Variants in ANKRD28 observed in about 807,000 individuals in gnomAD.
ANKRD28 encodes ankyrin repeat domain 28, also known as serine/threonine-protein phosphatase 6 regulatory ankyrin repeat subunit A.
A neutral mutation model predicts 126.5 loss-of-function variants in ANKRD28; 44 were observed. That is an observed-to-expected ratio of 0.35 (90% confidence interval 0.27 to 0.45). The LOEUF is 0.45. ANKRD28 is among the 20% of genes least tolerant of loss of function. The pLI is 1.00. For missense variants in ANKRD28, 1,110 were observed against 1,316.6 expected (o/e 0.84, Z 2.43); for synonymous variants, 442 against 468.5 (o/e 0.94, Z 0.73).
At chr3:15,722,345 C>T (rs1025504286) in intron 7 of ANKRD28, among the ~76,000 whole-genome samples, 1 of 152,184 alleles carries the variant, frequency 6.6e-6, no homozygotes, top group Non-Finnish European at 1.5e-5. Flanking sequence ...TTCATTCATA[C>T]TGTCACACAC....
chr3:15,727,564 C>CAAAAAAA (rs59584114), intron 6 of ANKRD28, among the ~76,000 whole-genome samples: 40 of 65,930 alleles, frequency 6.1e-4, no homozygotes, highest in East Asian at 1.6e-3. Flanking sequence ...GAAACTCTGT[C>CAAAAAAA]AAAAAAAAAA....
At chr3:15,784,469 AT>A (rs1481072391) in intron 2 of ANKRD28, among the ~76,000 whole-genome samples, 2 of 151,840 alleles carry the variant, frequency 1.3e-5, no homozygotes, top group African/African-American at 2.4e-5. Flanking sequence ...CATTAGATTA[AT>A]ATGCATATTG....
rs900038852 is a variant in ANKRD28, at chr3:15,814,035, A to G, written c.28-18729T>C. 5.9e-5 allele frequency among the ~76,000 whole-genome samples: 9 copies of G among 152,228 alleles called. No individual in the cohort carries two copies. The highest frequency in any genetic ancestry group is 2.2e-4 in the African/African-American group (9 of 41,456). On this transcript the variant is annotated intron_variant, in intron 1 of 27. Coordinates refer to the ANKRD28 transcript ENST00000399451. This position sits in a 1 kb window ranked among gnomAD's most constrained non-coding sequence, Gnocchi z 4.7. The stretch of plus-strand genomic sequence containing the variant: ...CCACTGAAAATTTACTTGAATTATA[A>G]AACGGCTATACTAAGTCTTCCACTA...
At chr3:15,707,329 A>G (rs1202268698) in intron 14 of ANKRD28, among the ~76,000 whole-genome samples, 4 of 152,218 alleles carry the variant, frequency 2.6e-5, no homozygotes, top group Admixed American at 2.6e-4. Flanking sequence ...TATACTTATG[A>G]AACAGTTTAT....
Position 15,853,914 on chromosome 3 carries a change from T to G in ANKRD28, c.27+5463A>C, listed in dbSNP as rs530790256. On this transcript the variant is annotated intron_variant, in intron 1 of 27. Coordinates refer to the ANKRD28 transcript ENST00000399451. The surrounding 1 kb of genome is among the most constrained non-coding windows in gnomAD (Gnocchi z 4.2). ...GTCATTAATATAGCTATGAGAAATA[T>G]TTTAAGATATACTCACTCTCATTCA... Among the ~76,000 whole-genome samples, 1 of 152,322 alleles carries G rather than the reference T, an allele frequency of 6.6e-6. No homozygotes were observed. Among genetic ancestry groups the G allele is most frequent in the East Asian group, 1.9e-4 (1 of 5,178 alleles).
At chr3:15,684,064 G>A (rs1202568663) in intron 21 of ANKRD28, 1 of 152,158 alleles carries the variant, frequency 6.6e-6, no homozygotes, top group Non-Finnish European at 1.5e-5. Flanking sequence ...AAGCTACACT[G>A]AAATTGAAAA....
At position 15,770,419 on chromosome 3, in the gene ANKRD28, T is replaced by C. The variant is rs917870761; in HGVS notation, c.202-4107A>G. 2.3e-4 allele frequency among the ~76,000 whole-genome samples: 34 copies of C among 150,564 alleles called. 5 individuals carry two copies. Among genetic ancestry groups the C allele is most frequent in the Admixed American group, 1.0e-3 (15 of 15,060 alleles). Reference sequence around the variant, plus strand: ...TATTGAATACATATATATACATATATATATATATATTAGATAGCATTACTG... The same window carrying C: ...TATTGAATACATATATATACATATACATATATATATTAGATAGCATTACTG... On this transcript the variant is annotated intron_variant, in intron 2 of 27. Transcript: ENST00000683139.
intron 6 of ANKRD28, among the ~76,000 whole-genome samples, chr3:15,730,268 T>A (rs924556567): frequency 2.0e-5 from 3 of 152,094 alleles, no homozygotes; most frequent in African/African-American, 7.2e-5. Context: ...ACAGGAAAGA[T>A]GAATGTGTAA....
chr3:15,698,090 T>C (rs964468362), intron 14 of ANKRD28, among the ~76,000 whole-genome samples: 5 of 152,096 alleles, frequency 3.3e-5, no homozygotes, highest in Non-Finnish European at 7.4e-5. Context: ...TCCCTTTATG[T>C]GTCTATTTGA....
chr3:15,790,585 T>G (rs558818274), intron 2 of ANKRD28, among the ~76,000 whole-genome samples: 1 of 152,180 alleles, frequency 6.6e-6, no homozygotes, highest in African/African-American at 2.4e-5. Flanking sequence ...ATTAAAAAAT[T>G]CAATATCCCT....
intron 26 of ANKRD28, among the ~76,000 whole-genome samples, chr3:15,676,411 A>G (rs2066941107): frequency 6.6e-6 from 1 of 152,230 alleles, no homozygotes. Context: ...TACAAGCATC[A>G]TGACTAATTT....
rs1226460876 is a variant in ANKRD28, at chr3:15,817,426, A to G, written c.28-22120T>C. On this transcript the variant is annotated intron_variant, in intron 1 of 27. Coordinates refer to the ANKRD28 transcript ENST00000399451. The surrounding 1 kb of genome is among the most constrained non-coding windows in gnomAD (Gnocchi z 4.5). The stretch of plus-strand genomic sequence containing the variant: ...GGCACCATTTCTTATTGCTCTAAGT[A>G]CTCACCTTCTAATAAGGGAAAAGAG... 2.0e-5 allele frequency among the ~76,000 whole-genome samples: 3 copies of G among 152,132 alleles called. No homozygotes were observed. The highest frequency in any genetic ancestry group is 2.9e-5 in the Non-Finnish European group (2 of 68,026).
chr3:15,854,823 G>A lies in ANKRD28; in HGVS notation c.27+4554C>T, dbSNP rs149119545. Among the ~76,000 whole-genome samples the A allele has an allele frequency of 0.025, 3,802 of 152,120 alleles. 163 individuals carry two copies. The highest frequency in any genetic ancestry group is 0.085 in the African/African-American group (3,532 of 41,480). ...CCCAGCACTTTGGGAGGCCAAGGTG[G>A]GTGGATCACAAGGTCACGAGATTGA... On this transcript the variant is annotated intron_variant, in intron 1 of 27. Transcript: ENST00000399451. This position sits in a 1 kb window ranked among gnomAD's most constrained non-coding sequence, Gnocchi z 4.1.
chr3:15,753,008 G>A (rs904759831), intron 3 of ANKRD28, among the ~76,000 whole-genome samples: 1 of 152,076 alleles, frequency 6.6e-6, no homozygotes, highest in Non-Finnish European at 1.5e-5. Flanking sequence ...GAAAATAAAT[G>A]AAATGGAGGT....
chr3:15,695,136 A>C, intron 16 of ANKRD28, 52 bp downstream of exon 16: 1 of 1,398,432 alleles, frequency 7.2e-7, no homozygotes, highest in South Asian at 1.2e-5. Context: ...CATAACTGGT[A>C]GGAGGGAACT....
chr3:15,676,920 T>C lies in ANKRD28; in HGVS notation c.2873+54A>G. On this transcript the variant is annotated intron_variant, in intron 26 of 27. Transcript: ENST00000683139. ...TCACATGTTTAAAAAAATCCATTTA[T>C]CATTTTTATAATTATAGGTCACAAA... 13 of 1,442,900 alleles carry C rather than the reference T, an allele frequency of 9.0e-6. 1 individual carries two copies. The South Asian group carries it at 1.6e-4, about 17-fold the overall frequency. The allele number at this position is 1,442,900 out of a possible 1,614,324, so 89.4% of individuals were successfully genotyped here.
Position 15,797,287 on chromosome 3 carries a change from A to C in ANKRD28, c.-766T>G. 1.0e-6 allele frequency: 1 copy of C among 985,368 alleles called. No individual in the cohort carries two copies. Among genetic ancestry groups the C allele is most frequent in the Non-Finnish European group, 1.2e-6 (1 of 829,920 alleles). 61.0% of individuals were successfully genotyped at this position (985,368 alleles called of 1,614,324 possible). On this transcript the variant is annotated 5_prime_UTR_variant, in exon 1 of 28. Transcript: ENST00000683139. Reference sequence around the variant, plus strand: ...GTGATGAGTCAGACCACAAGAGACAATACGACTCTTGGTACTAGAATACAG... The same window carrying C: ...GTGATGAGTCAGACCACAAGAGACACTACGACTCTTGGTACTAGAATACAG...
chr3:15,671,950 G>A (rs558257574), intron 27 of ANKRD28, among the ~76,000 whole-genome samples: 1 of 152,058 alleles, frequency 6.6e-6, no homozygotes, highest in Non-Finnish European at 1.5e-5. Context: ...TTTCATATCT[G>A]GCATTTTTGT....
rs1318571242 is a variant in ANKRD28 at position 15,815,126 on chromosome 3, A to G, written c.28-19820T>C. On this transcript the variant is annotated intron_variant, in intron 1 of 27. Coordinates refer to the ANKRD28 transcript ENST00000399451. The surrounding 1 kb of genome is among the most constrained non-coding windows in gnomAD (Gnocchi z 4.1). ...CTAAGAATATTATATATTCTTGTAT[A>G]ATACTTTTCCCAAGATAAAAAATAA... 6.6e-6 allele frequency among the ~76,000 whole-genome samples: 1 copy of G among 151,880 alleles called. No individual in the cohort carries two copies. Among genetic ancestry groups the G allele is most frequent in the African/African-American group, 2.4e-5 (1 of 41,406 alleles).
Sources: gnomAD v4.1 joint callset for allele counts (sites outside exome capture counted in the v4.1 genomes callset) on GRCh38, gnomAD v4.1.1 for gene constraint, Gnocchi (gnomAD v3.1) non-coding constraint, MANE v1.5 for transcripts, NCBI Gene and HGNC (gene_info 2026-07-23, HGNC 2026-07-21) for gene names.